Variants in PSMC6 observed in about 807,000 individuals in gnomAD.
PSMC6 encodes proteasome 26S subunit, ATPase 6.
Under a neutral mutation model 55.9 loss-of-function variants are expected in PSMC6, and 3 were observed. The observed-to-expected ratio is 0.05, with a 90% confidence interval of 0.02 to 0.14. The LOEUF is 0.14. PSMC6 is among the 10% of genes least tolerant of loss of function. The pLI is 1.00. For missense variants in PSMC6, 210 were observed against 478.7 expected, an observed-to-expected ratio of 0.44 and a Z score of 5.24; for synonymous variants, 137 against 155.9, an observed-to-expected ratio of 0.88 and a Z score of 0.90.
rs1020994187 is a variant in PSMC6 at position 52,724,107 on chromosome 14, T to C, written c.1051+71T>C. 166 of 1,408,584 alleles carry C rather than the reference T, an allele frequency of 1.2e-4. 3 individuals carry two copies. The South Asian group carries it at 1.3e-3, about 11-fold the overall frequency. The allele number at this position is 1,408,584 out of a possible 1,614,324, so 87.3% of individuals were successfully genotyped here. On this transcript the variant is annotated intron_variant, in intron 13 of 13. Coordinates refer to ENST00000445930, the MANE Select transcript of PSMC6 (RefSeq NM_002806.5). ...ATTTGCTGAAACTGTTTTGAGTTTA[T>C]CTGAAAGCGGAGCATAGACTTTGCA...
chr14:52,723,583 C>T, intron 12 of PSMC6: 1 of 167,024 alleles, frequency 6.0e-6, no homozygotes, highest in Non-Finnish European at 1.3e-5. Flanking sequence ...AAGTAAATTC[C>T]ATTGTTATAA....
rs563222135 is a variant in PSMC6, at chr14:52,716,159, G to A, written c.530-1922G>A. 1.2e-4 allele frequency among the ~76,000 whole-genome samples: 18 copies of A among 152,294 alleles called. 1 individual carries two copies. The South Asian group carries it at 3.7e-3, about 32-fold the overall frequency. ...AACAGAAGTTTCTGTCATAGTCCAT[G>A]TTGTAAGTAGATAGCTATTATAAAA... On this transcript the variant is annotated intron_variant, in intron 7 of 13. Coordinates refer to ENST00000445930, the MANE Select transcript of PSMC6 (RefSeq NM_002806.5).
chr14:52,711,647 T>C, intron 6 of PSMC6, 123 bp downstream of exon 6: 1 of 488,118 alleles, frequency 2.0e-6, no homozygotes, highest in South Asian at 4.4e-5. Flanking sequence ...GAATATTATG[T>C]ATTTACTATT....
rs76737032 is a variant in PSMC6 at position 52,717,008 on chromosome 14, T to A, written c.530-1073T>A. Among the ~76,000 whole-genome samples the A allele has an allele frequency of 9.2e-3, 1,402 of 152,188 alleles. 22 individuals carry two copies. The highest frequency in any genetic ancestry group is 0.032 in the African/African-American group (1,341 of 41,516). ...TGGTGGTGTATGGGGATAGGGGAGATGTTGGTCAAAGGATATAAAGTTCAC... is the reference window on the plus strand; with the variant it reads ...TGGTGGTGTATGGGGATAGGGGAGAAGTTGGTCAAAGGATATAAAGTTCAC... On this transcript the variant is annotated intron_variant, in intron 7 of 13. Coordinates refer to ENST00000445930, the MANE Select transcript of PSMC6 (RefSeq NM_002806.5).
intron 12 of PSMC6, chr14:52,723,421 T>G (rs1331571720): frequency 6.5e-6 from 1 of 153,450 alleles, no homozygotes; most frequent in African/African-American, 2.4e-5. Flanking sequence ...CTACCATAGA[T>G]CTGATACTTC....
intron 7 of PSMC6, 86 bp from the exon 8 acceptor site, chr14:52,717,995 A>C: frequency 8.0e-7 from 1 of 1,257,164 alleles, no homozygotes; most frequent in Non-Finnish European, 1.2e-6. Context: ...GCCACACTCC[A>C]GCCTAGGTGA....
chr14:52,720,078 C>T (rs1305347118), intron 10 of PSMC6, among the ~76,000 whole-genome samples: 7 of 151,918 alleles, frequency 4.6e-5, no homozygotes, highest in Admixed American at 2.0e-4. Context: ...CAAAAATTAG[C>T]TGGGCGTGGT....
chr14:52,716,359 G>T (rs1594850696), intron 7 of PSMC6, among the ~76,000 whole-genome samples: 1 of 152,318 alleles, frequency 6.6e-6, no homozygotes, highest in East Asian at 1.9e-4. Flanking sequence ...TAAAGGAATT[G>T]AAATCAGTGT....
At chr14:52,711,994 A>G (rs761106567) in intron 6 of PSMC6, among the ~76,000 whole-genome samples, 2 of 152,144 alleles carry the variant, frequency 1.3e-5, no homozygotes. Context: ...TGGCTTTAGG[A>G]TTGTCTTAAA....
At chr14:52,727,385 A>G in intron 13 of PSMC6, 114 bp from the exon 14 acceptor site, 1 of 741,138 alleles carries the variant, frequency 1.3e-6, no homozygotes, top group East Asian at 3.0e-5. Context: ...CTACTGGCTC[A>G]GAAGTAATAA....
Position 52,708,497 on chromosome 14 carries a change from G to T in PSMC6, c.180G>T (p.Val60=). Residue 60 remains valine, a synonymous_variant, in exon 3 of 14, where the codon GTG becomes GTT. Transcript: ENST00000445930. ...LQSVGQIVGE[V]LKQLTEEKFI... ...TTCTTCCTTAGATCGTGGGTGAAGT[G>T]CTTAAACAGTTAACTGAAGAAAAAT... The T allele has an allele frequency of 6.2e-7, 1 of 1,613,892 alleles. No homozygotes were observed. The highest frequency in any genetic ancestry group is 8.5e-7 in the Non-Finnish European group (1 of 1,179,914).
chr14:52,718,390 T>C (rs1323399061), intron 9 of PSMC6, 38 bp downstream of exon 9: 5 of 1,577,578 alleles, frequency 3.2e-6, no homozygotes, highest in Non-Finnish European at 4.3e-6. Context: ...TTAGGACTTT[T>C]TTTTAAATGT....
chr14:52,722,937 A>G (rs1594854337), intron 12 of PSMC6: 1 of 152,232 alleles, frequency 6.6e-6, no homozygotes, highest in African/African-American at 2.4e-5. Context: ...AGGGAAATCT[A>G]GTATAATTTC....
In PSMC6 at chr14:52,711,494, G is replaced by C. The variant is rs201438649; in HGVS notation, c.411G>C (p.Gly137=). 5.0e-5 allele frequency: 80 copies of C among 1,611,906 alleles called. 1 individual carries two copies. The highest frequency in any genetic ancestry group is 6.5e-5 in the Non-Finnish European group (76 of 1,178,156). The change falls in exon 6 of 14, where the codon GGG becomes GGC. Residue 137 remains glycine (G), a synonymous_variant. Transcript: ENST00000445930. The part of the protein sequence containing the change: ...PGNVSYSEIG[G]LSEQIRELRE... ...ATGTTTCTTATTCTGAGATTGGAGG[G>C]CTATCAGAACAGATCCGGGAATTAA...
rs2041802402 is a variant in PSMC6 at position 52,713,970 on chromosome 14, T to C, written c.529+2T>C. On this transcript the variant is annotated splice_donor_variant, in intron 7 of 13. Coordinates refer to ENST00000445930, the MANE Select transcript of PSMC6 (RefSeq NM_002806.5). LOFTEE classifies it high-confidence loss of function. Reference sequence around the variant, plus strand: ...GCTGTTTGTTATATGGACCACCAGGTTGGTATTGAATTATTTCTACTCCAC... The same window carrying C: ...GCTGTTTGTTATATGGACCACCAGGCTGGTATTGAATTATTTCTACTCCAC... 1 of 1,532,946 alleles carries C rather than the reference T, an allele frequency of 6.5e-7. No individual in the cohort carries two copies. Among genetic ancestry groups the C allele is most frequent in the Non-Finnish European group, 9.0e-7 (1 of 1,117,032 alleles). 95.0% of individuals were successfully genotyped at this position (1,532,946 alleles called of 1,614,324 possible). A position where few individuals can be genotyped will look rare whatever the true frequency, so the allele number is the denominator to read the frequency against.
At position 52,721,000 on chromosome 14, in the gene PSMC6, C is replaced by G; in HGVS notation, c.898+19C>G. ...AAAATACGTGAGTTAAGATTCTTTA[C>G]CTACTGTCCATTTCCCTTTGTGCCC... On this transcript the variant is annotated intron_variant, in intron 11 of 13. Transcript: ENST00000445930. 6.2e-7 allele frequency: 1 copy of G among 1,609,810 alleles called. No homozygotes were observed. Among genetic ancestry groups the G allele is most frequent in the Non-Finnish European group, 8.5e-7 (1 of 1,177,328 alleles).
At chr14:52,720,514 C>G (rs564589639) in intron 10 of PSMC6, among the ~76,000 whole-genome samples, 174 of 150,868 alleles carry the variant, frequency 1.2e-3, no homozygotes, top group Admixed American at 3.0e-3. Flanking sequence ...TTAGCTTTTC[C>G]TTTAAAAAAT....
chr14:52,710,984 A>G, intron 4 of PSMC6, 117 bp from the exon 5 acceptor site: 7 of 900,544 alleles, frequency 7.8e-6, no homozygotes, highest in South Asian at 7.1e-5. Flanking sequence ...ATAATCTGAT[A>G]TTTGTGTTCT....
At chr14:52,707,796 A>G (rs998399390) in intron 1 of PSMC6, among the ~76,000 whole-genome samples, 5 of 152,222 alleles carry the variant, frequency 3.3e-5, no homozygotes, top group African/African-American at 1.2e-4. Flanking sequence ...TGTATCAGGC[A>G]TACAAATTTC....
Sources: allele counts gnomAD v4.1 joint callset (sites outside exome capture counted in the v4.1 genomes callset), GRCh38; gene constraint gnomAD v4.1.1; transcripts MANE v1.5; gene names NCBI Gene and HGNC (gene_info 2026-07-23, HGNC 2026-07-21).